LHFPL3: variants seen among roughly 807,000 people sequenced by gnomAD.
LHFPL3 encodes the protein LHFPL tetraspan subfamily member 3 protein.
A neutral mutation model predicts 19.3 loss-of-function variants in LHFPL3; 5 were observed. The observed-to-expected ratio is 0.26, with a 90% CI of 0.14 to 0.54. The LOEUF (loss-of-function observed/expected upper bound fraction) is 0.54. Among genes scored for constraint, LHFPL3 ranks in the 20% least tolerant of loss-of-function variants. LHFPL3 has a pLI of 0.94. For synonymous variants in LHFPL3, 133 were observed against 126.2 expected, an observed-to-expected ratio of 1.05 and a Z score of -0.36; for missense variants, 249 against 307.4, an observed-to-expected ratio of 0.81 and a Z score of 1.42.
At chr7:104,345,830 G>T (rs1790053899) in intron 1 of LHFPL3, among the ~76,000 whole-genome samples, 1 of 151,764 alleles carries the variant, frequency 6.6e-6, no homozygotes, top group Non-Finnish European at 1.5e-5. Context: ...AATTGCTATT[G>T]TACTAGTATC....
In LHFPL3 at chr7:104,791,224, G is replaced by A. The variant is rs918028836; in HGVS notation, c.682+54313G>A. Among the ~76,000 whole-genome samples, 8 of 152,256 alleles carry A rather than the reference G, an allele frequency of 5.3e-5. No individual in the cohort carries two copies. In the East Asian group the frequency reaches 1.5e-3, roughly 29 times the overall value. On this transcript the variant is annotated intron_variant, in intron 2 of 2. Coordinates refer to ENST00000424859, the MANE Select transcript of LHFPL3 (RefSeq NM_199000.3). ...CTGGCTCAGACTTCCTTGGCTTCAG[G>A]AGTACTTTCTGATTGCTCATAAAAC...
At chr7:104,845,519 C>T in intron 2 of LHFPL3, 2 of 1,460,046 alleles carry the variant, frequency 1.4e-6, no homozygotes, top group Non-Finnish European at 1.8e-6. Context: ...TTTTCTGATT[C>T]CCGCTTTCAG....
chr7:104,869,891 C>A (rs1791798760), intron 2 of LHFPL3, among the ~76,000 whole-genome samples: 1 of 152,164 alleles, frequency 6.6e-6, no homozygotes, highest in South Asian at 2.1e-4. Context: ...CACATATACA[C>A]CGTGGAATAG....
At chr7:104,855,210 T>A (rs1037397326) in intron 2 of LHFPL3, among the ~76,000 whole-genome samples, 1 of 152,206 alleles carries the variant, frequency 6.6e-6, no homozygotes, top group Admixed American at 6.5e-5. Flanking sequence ...CGTGTCATGA[T>A]GGAACAGACC....
At chr7:104,857,101 G>T (rs1183717064) in intron 2 of LHFPL3, among the ~76,000 whole-genome samples, 1 of 152,160 alleles carries the variant, frequency 6.6e-6, no homozygotes, top group Admixed American at 6.5e-5. Flanking sequence ...CAGGCAGATT[G>T]TTCCCATTTC....
At position 104,351,261 on chromosome 7, in the gene LHFPL3, A is replaced by G. The variant is rs138005854; in HGVS notation, c.445+22037A>G. ...TCTTCCAGATCATCATACCTTATCT[A>G]TTTAGGCTTCTTCACCTTGAGTCTG... On this transcript the variant is annotated intron_variant, in intron 1 of 2. Coordinates refer to ENST00000424859, the MANE Select transcript of LHFPL3 (RefSeq NM_199000.3). 4.9e-4 allele frequency among the ~76,000 whole-genome samples: 75 copies of G among 152,280 alleles called. 1 individual carries two copies. The South Asian group carries it at 8.7e-3, about 18-fold the overall frequency.
At chr7:104,501,688 C>T (rs1448859995) in intron 1 of LHFPL3, among the ~76,000 whole-genome samples, 2 of 152,106 alleles carry the variant, frequency 1.3e-5, no homozygotes, top group Non-Finnish European at 2.9e-5. Context: ...ATTGGTTGAC[C>T]TGATACAGCC....
At chr7:104,729,901 C>G (rs934169027) in intron 1 of LHFPL3, among the ~76,000 whole-genome samples, 1 of 151,956 alleles carries the variant, frequency 6.6e-6, no homozygotes, top group Non-Finnish European at 1.5e-5. Flanking sequence ...CCCACTCCCC[C>G]CACCCCACAA....
chr7:104,383,202 A>T (rs1281009495), intron 1 of LHFPL3, among the ~76,000 whole-genome samples: 1 of 152,132 alleles, frequency 6.6e-6, no homozygotes, highest in East Asian at 1.9e-4. Context: ...CCTCCTATGA[A>T]TTATGCATGT....
In LHFPL3 at chr7:104,877,791, T is replaced by C. The variant is rs142249898; in HGVS notation, c.683-28396T>C. Among the ~76,000 whole-genome samples, 442 of 151,694 alleles carry C rather than the reference T, an allele frequency of 2.9e-3. 13 individuals carry two copies. The East Asian group carries it at 0.044, about 15-fold the overall frequency. ...TGGGTATGTATATACCCAAGAGAAGTGAAAATATATCCACACAAAAACTTG... is the reference window on the plus strand; with the variant it reads ...TGGGTATGTATATACCCAAGAGAAGCGAAAATATATCCACACAAAAACTTG... On this transcript the variant is annotated intron_variant, in intron 2 of 2. Transcript: ENST00000424859.
At chr7:104,427,454 T>A (rs970056928) in intron 1 of LHFPL3, among the ~76,000 whole-genome samples, 1 of 152,198 alleles carries the variant, frequency 6.6e-6, no homozygotes, top group Non-Finnish European at 1.5e-5. Flanking sequence ...ATCAACTACT[T>A]GTATAAAAAT....
chr7:104,623,002 A>C, intron 1 of LHFPL3: 1 of 371,754 alleles, frequency 2.7e-6, no homozygotes, highest in South Asian at 2.0e-5. Flanking sequence ...CTCTCATTGT[A>C]ATTTTTGATT....
intron 1 of LHFPL3, among the ~76,000 whole-genome samples, chr7:104,700,814 C>T (rs1793087516): frequency 6.6e-6 from 1 of 152,116 alleles, no homozygotes; most frequent in Non-Finnish European, 1.5e-5. Context: ...TTTATTATGT[C>T]CTCAAGCATT....
At chr7:104,560,932 G>T (rs563110901) in intron 1 of LHFPL3, among the ~76,000 whole-genome samples, 2 of 148,792 alleles carry the variant, frequency 1.3e-5, no homozygotes, top group Non-Finnish European at 2.9e-5. Flanking sequence ...CCTTCATTTC[G>T]TTATGTACCC....
At chr7:104,714,349 T>C (rs1793347573) in intron 1 of LHFPL3, among the ~76,000 whole-genome samples, 1 of 152,158 alleles carries the variant, frequency 6.6e-6, no homozygotes, top group South Asian at 2.1e-4. Context: ...AGATTGGTCA[T>C]AGCCAAACAT....
At chr7:104,365,268 C>T (rs1790462908) in intron 1 of LHFPL3, among the ~76,000 whole-genome samples, 1 of 151,896 alleles carries the variant, frequency 6.6e-6, no homozygotes, top group Non-Finnish European at 1.5e-5. Flanking sequence ...CATTGCACTC[C>T]AGCCTGGGCA....
intron 1 of LHFPL3, among the ~76,000 whole-genome samples, chr7:104,471,878 A>C (rs1792913396): frequency 1.3e-5 from 2 of 152,188 alleles, no homozygotes; most frequent in Admixed American, 1.3e-4. Flanking sequence ...AAATATTTTA[A>C]CTTAATATAA....
At chr7:104,542,959 A>C (rs1184439991) in intron 1 of LHFPL3, among the ~76,000 whole-genome samples, 1 of 152,156 alleles carries the variant, frequency 6.6e-6, no homozygotes, top group African/African-American at 2.4e-5. Flanking sequence ...ACACCATGGA[A>C]TATTATGCAG....
chr7:104,445,182 A>G (rs973227978), intron 1 of LHFPL3, among the ~76,000 whole-genome samples: 32 of 152,244 alleles, frequency 2.1e-4, no homozygotes, highest in African/African-American at 7.7e-4. Context: ...TGTGTATGCA[A>G]TTGTCCTTAG....
Sources: allele counts gnomAD v4.1 joint callset (sites outside exome capture counted in the v4.1 genomes callset), GRCh38; gene constraint gnomAD v4.1.1; transcripts MANE v1.5; gene names NCBI Gene and HGNC (gene_info 2026-07-23, HGNC 2026-07-21).